Variants in DYNC2H1 observed in about 807,000 individuals in gnomAD.
DYNC2H1 encodes dynein cytoplasmic 2 heavy chain 1, also known as cytoplasmic dynein 2 heavy chain 1.
DYNC2H1 carries 410 observed loss-of-function variants against 570.0 expected under a neutral mutation model. The ratio of observed to expected loss-of-function variants is 0.72; its 90% CI spans 0.66 to 0.78. The LOEUF is 0.78. Ranked by LOEUF, DYNC2H1 falls within the 30% of genes least tolerant of loss-of-function variation. DYNC2H1 has a pLI of 0.00. For missense variants in DYNC2H1, 4,865 were observed against 5,046.4 expected (o/e 0.96, Z 1.09); for synonymous variants, 1,688 against 1,677.6 (o/e 1.01, Z -0.15).
intron 53 of DYNC2H1, among the ~76,000 whole-genome samples, chr11:103,211,377 C>T (rs925216044): frequency 6.6e-6 from 1 of 151,866 alleles, no homozygotes; most frequent in Non-Finnish European, 1.5e-5. Context: ...TCTTGTTTCT[C>T]CCTGTATCAA....
chr11:103,453,130 A>G (rs1300631263), intron 85 of DYNC2H1, among the ~76,000 whole-genome samples: 1 of 152,048 alleles, frequency 6.6e-6, no homozygotes, highest in Non-Finnish European at 1.5e-5. Context: ...ATGAGTATAT[A>G]GTCTCATAGT....
chr11:103,184,672 G>A (rs1177688636), intron 40 of DYNC2H1, among the ~76,000 whole-genome samples: 1 of 151,846 alleles, frequency 6.6e-6, no homozygotes, highest in Admixed American at 6.6e-5. Flanking sequence ...TTTGAGGACT[G>A]TAGCACTGAA....
At chr11:103,316,170 T>C (rs1937825101) in intron 79 of DYNC2H1, among the ~76,000 whole-genome samples, 1 of 151,962 alleles carries the variant, frequency 6.6e-6, no homozygotes. Flanking sequence ...GGCCTTTTTT[T>C]GTGCAGTATT....
intron 60 of DYNC2H1, among the ~76,000 whole-genome samples, chr11:103,233,801 GT>G (rs1864107389): frequency 6.7e-6 from 1 of 148,244 alleles, no homozygotes; most frequent in Non-Finnish European, 1.5e-5. Context: ...GCCCTGTCAA[GT>G]TTTTTGAGGT....
chr11:103,266,953 C>G (rs1386397283), intron 70 of DYNC2H1, among the ~76,000 whole-genome samples: 2 of 152,182 alleles, frequency 1.3e-5, no homozygotes, highest in Non-Finnish European at 2.9e-5. Flanking sequence ...GCAAGTTGAG[C>G]TGGGAATGGC....
chr11:103,227,750 T>C (rs1863855530), intron 59 of DYNC2H1, among the ~76,000 whole-genome samples: 1 of 152,240 alleles, frequency 6.6e-6, no homozygotes, highest in South Asian at 2.1e-4. Flanking sequence ...ACTTTCTGTC[T>C]TGATGACTTG....
chr11:103,115,273 A>G lies in DYNC2H1; in HGVS notation c.599A>G (p.Glu200Gly). ...ISKERANYFKELFETIAREFY... is the reference protein window; with the variant it reads ...ISKERANYFKGLFETIAREFY... The stretch of plus-strand genomic sequence containing the variant: ...AAAGAAAGAGCCAATTATTTTAAAG[A>G]ATTATTTGAAACAATTGCAAGAGTA... The change falls in exon 4 of 89, where the codon GAA (glutamate) becomes GGA (glycine). Residue 200 changes from glutamate to glycine, a missense_variant. Glu to Gly is a moderately conservative substitution (Grantham distance 98, BLOSUM62 -2). Around this residue, in one of 5 missense-constraint regions of DYNC2H1, gnomAD observed 1,936 missense variants for 1,962.1 expected, o/e 0.99. Transcript: ENST00000375735. 1 of 1,591,144 alleles carries G rather than the reference A, an allele frequency of 6.3e-7. No homozygotes were observed. The highest frequency in any genetic ancestry group is 2.3e-5 in the East Asian group (1 of 44,230).
intron 83 of DYNC2H1, among the ~76,000 whole-genome samples, chr11:103,364,448 C>G (rs185747237): frequency 4.6e-5 from 7 of 152,042 alleles, no homozygotes; most frequent in Admixed American, 4.6e-4. Flanking sequence ...AGAATCCCAA[C>G]TTCTGTGTCA....
chr11:103,403,307 T>C (rs1052964299), intron 84 of DYNC2H1: 3 of 152,064 alleles, frequency 2.0e-5, no homozygotes, highest in Non-Finnish European at 4.4e-5. Flanking sequence ...GATTATTTTT[T>C]GTGTAGGGGG....
Position 103,163,324 on chromosome 11 carries a change from T to C in DYNC2H1, c.4611+177T>C, listed in dbSNP as rs894301613. On this transcript the variant is annotated intron_variant, in intron 30 of 88. Coordinates refer to ENST00000375735, the MANE Select transcript of DYNC2H1 (RefSeq NM_001377.3). This position sits in a 1 kb window ranked among gnomAD's most constrained non-coding sequence, Gnocchi z 4.6. ...TCAGCTGTAAAATGTGGGGGATGAA[T>C]TGAGATCCAAGCAACCTAGGCCAGT... Among the ~76,000 whole-genome samples the C allele has an allele frequency of 6.6e-6, 1 of 152,084 alleles. No individual in the cohort carries two copies. Among genetic ancestry groups the C allele is most frequent in the Non-Finnish European group, 1.5e-5 (1 of 68,006 alleles).
intron 38 of DYNC2H1, among the ~76,000 whole-genome samples, chr11:103,178,704 A>T (rs1861726585): frequency 6.6e-6 from 1 of 152,122 alleles, no homozygotes; most frequent in African/African-American, 2.4e-5. Flanking sequence ...AGTTTCTAAA[A>T]GATATACAAC....
chr11:103,130,276 T>A (rs979508563), intron 13 of DYNC2H1, among the ~76,000 whole-genome samples: 1 of 152,102 alleles, frequency 6.6e-6, no homozygotes, highest in Non-Finnish European at 1.5e-5. Context: ...TTAGGTACAG[T>A]GAGCCACTCT....
chr11:103,444,316 A>G (rs1944360825), intron 85 of DYNC2H1, among the ~76,000 whole-genome samples: 1 of 151,996 alleles, frequency 6.6e-6, no homozygotes, highest in Non-Finnish European at 1.5e-5. Context: ...ATTTCAACCT[A>G]TAGAGCACAT....
chr11:103,269,539 T>A (rs1865623056), intron 70 of DYNC2H1, among the ~76,000 whole-genome samples: 1 of 152,200 alleles, frequency 6.6e-6, no homozygotes, highest in Non-Finnish European at 1.5e-5. Context: ...CACATCACAT[T>A]GAACTGAAAG....
At chr11:103,397,857 TGACA>T (rs1385647813) in intron 83 of DYNC2H1, among the ~76,000 whole-genome samples, 2 of 152,182 alleles carry the variant, frequency 1.3e-5, no homozygotes, top group East Asian at 1.9e-4. Context: ...CCAGCCTTGG[TGACA>T]GACAGAGTAA....
At chr11:103,357,427 G>A (rs914824939) in intron 82 of DYNC2H1, among the ~76,000 whole-genome samples, 8 of 152,100 alleles carry the variant, frequency 5.3e-5, no homozygotes, top group African/African-American at 1.7e-4. Flanking sequence ...TTAATGTAGA[G>A]CATTAAAACA....
chr11:103,321,335 TA>T, intron 81 of DYNC2H1, 98 bp downstream of exon 81: 1 of 1,134,412 alleles, frequency 8.8e-7, no homozygotes, highest in Non-Finnish European at 1.3e-6. Context: ...AATGCACAAG[TA>T]ATTATTCACA....
Position 103,177,703 on chromosome 11 carries a change from A to G in DYNC2H1, c.6022A>G (p.Met2008Val), listed in dbSNP as rs1342300535. ...TGGCAAAGTAGTGAAACAATATACTATGAATCCCAAAGCTATGCCTCGATA... is the reference window on the plus strand; with the variant it reads ...TGGCAAAGTAGTGAAACAATATACTGTGAATCCCAAAGCTATGCCTCGATA... The part of the protein sequence containing the change: ...KTGKVVKQYT[M>V]NPKAMPRYQL... The change falls in exon 38 of 89, where the codon ATG becomes GTG. Residue 2008 changes from methionine to valine, a missense_variant. By Grantham distance (21) the Met-to-Val change is conservative. Around this residue, in one of 5 missense-constraint regions of DYNC2H1, gnomAD observed 231 missense variants for 310.3 expected, o/e 0.74. Coordinates refer to ENST00000375735, the MANE Select transcript of DYNC2H1 (RefSeq NM_001377.3). This position sits in a 1 kb window ranked among gnomAD's most constrained non-coding sequence, Gnocchi z 4.4. 4 of 1,613,572 alleles carry G rather than the reference A, an allele frequency of 2.5e-6. No homozygotes were observed. The highest frequency in any genetic ancestry group is 2.5e-6 in the Non-Finnish European group (3 of 1,179,722).
Position 103,113,680 on chromosome 11 carries a change from G to A in DYNC2H1, c.339G>A (p.Arg113=). 6.5e-7 allele frequency: 1 copy of A among 1,548,978 alleles called. No individual in the cohort carries two copies. The change falls in exon 2 of 89, where the codon CGG becomes CGA. Residue 113 remains arginine (R), a synonymous_variant. Coordinates refer to ENST00000375735, the MANE Select transcript of DYNC2H1 (RefSeq NM_001377.3). Reference sequence around the variant, plus strand: ...TTAGTTCTCTTTACCAAGCAGTACGGCAAGTATTCGCACCAATGTTGTTAA... The same window carrying A: ...TTAGTTCTCTTTACCAAGCAGTACGACAAGTATTCGCACCAATGTTGTTAA... ...SPISSLYQAV[R]QVFAPMLLKD...
Sources: allele counts gnomAD v4.1 joint callset (sites outside exome capture counted in the v4.1 genomes callset), GRCh38; gene constraint gnomAD v4.1.1; regional missense constraint gnomAD v4.1.1; non-coding constraint Gnocchi (gnomAD v3.1); transcripts MANE v1.5; gene names NCBI Gene and HGNC (gene_info 2026-07-23, HGNC 2026-07-21).